Variants in DBP observed in about 807,000 individuals in gnomAD.
DBP encodes D-box binding PAR bZIP transcription factor.
Under a neutral mutation model 21.4 loss-of-function variants are expected in DBP, and 12 were observed. The ratio of observed to expected loss-of-function variants is 0.56; its 90% CI spans 0.36 to 0.91. The LOEUF (loss-of-function observed/expected upper bound fraction) is 0.91, where lower values mean the gene tolerates loss of function less well. Ranked by LOEUF, DBP falls within the 40% of genes least tolerant of loss-of-function variation. DBP has a pLI of 0.01. For missense variants in DBP, 423 were observed against 473.4 expected (o/e 0.89, Z 0.99); for synonymous variants, 213 against 224.9 (o/e 0.95, Z 0.47).
intron 2 of DBP, 21 bp downstream of exon 2, chr19:48,635,559 G>T: frequency 1.4e-6 from 2 of 1,405,524 alleles, no homozygotes; most frequent in African/African-American, 1.5e-5. Flanking sequence ...GTCAGGACCC[G>T]CCCCGCCCCC....
chr19:48,635,743 C>G lies in DBP; in HGVS notation c.387G>C (p.Pro129=). The stretch of plus-strand genomic sequence containing the variant: ...GGCCACCGGGGGGCGGCGGGCTGGG[C>G]GGGAGCCCGTGCTCCAGCAGGAAGG... The part of the protein sequence containing the change: ...LDAFLLEHGL[P]PSPPPPGGPS... Residue 129 remains proline, a synonymous_variant, in exon 2 of 4, where the codon CCG becomes CCC. Coordinates refer to ENST00000222122, the MANE Select transcript of DBP (RefSeq NM_001352.5). The G allele has an allele frequency of 7.3e-7, 1 of 1,373,360 alleles. No homozygotes were observed. The highest frequency in any genetic ancestry group is 1.7e-5 in the South Asian group (1 of 58,338). The allele number at this position is 1,373,360 out of a possible 1,614,324, so 85.1% of individuals were successfully genotyped here.
chr19:48,630,535 G>GC lies in DBP; in HGVS notation c.*301dup, dbSNP rs771849681. 7.4e-5 allele frequency: 113 copies of GC among 1,535,060 alleles called. 2 individuals are homozygous for GC. In the South Asian group the frequency reaches 1.1e-3, roughly 14 times the overall value. ...GCTGCAGCCAGTATGCCAGGGAGCT[G>GC]CCCTCTTCTTCCACAACAGCTGGCT... On this transcript the variant is annotated 3_prime_UTR_variant, in exon 4 of 4. Coordinates refer to ENST00000222122, the MANE Select transcript of DBP (RefSeq NM_001352.5). The surrounding 1 kb of genome is among the most constrained non-coding windows in gnomAD (Gnocchi z 4.9).
intron 3 of DBP, 88 bp downstream of exon 3, chr19:48,633,356 G>T: frequency 1.5e-6 from 2 of 1,362,788 alleles, no homozygotes; most frequent in Non-Finnish European, 2.1e-6. Context: ...CCAAGGAGAA[G>T]CCCAGGCTTG....
Position 48,635,883 on chromosome 19 carries a change from C to A in DBP, c.247G>T (p.Gly83Cys). The A allele has an allele frequency of 1.7e-5, 24 of 1,404,716 alleles. No individual in the cohort carries two copies. Among genetic ancestry groups the A allele is most frequent in the Non-Finnish European group, 2.2e-5 (24 of 1,090,364 alleles). 87.0% of individuals were successfully genotyped at this position (1,404,716 alleles called of 1,614,324 possible). ...GGGCGCCCCCGCGGGGACCCTCCGC[C>A]CACCACTGCCCCAGCCGGGGCATCC... ...PADAPAGAVV[G>C]GGSPRGRPGP... is the part of the protein sequence containing the mutation. Residue 83 changes from glycine to cysteine, a missense_variant, in exon 2 of 4, where the codon GGC (glycine) becomes TGC (cysteine). Physicochemically the swap from Gly to Cys is radical, Grantham distance 159. Transcript: ENST00000222122.
In DBP at chr19:48,635,734, C is replaced by A. The variant is rs1020506906; in HGVS notation, c.396G>T (p.Pro132=). 2.2e-6 allele frequency: 3 copies of A among 1,352,352 alleles called. No homozygotes were observed. The African/African-American group carries it at 4.6e-5, about 21-fold the overall frequency. 83.8% of individuals were successfully genotyped at this position (1,352,352 alleles called of 1,614,324 possible). ...FLLEHGLPPS[P]PPPGGPSPEP... ...CCGGCGACGGGCCACCGGGGGGCGGCGGGCTGGGCGGGAGCCCGTGCTCCA... is the reference window on the plus strand; with the variant it reads ...CCGGCGACGGGCCACCGGGGGGCGGAGGGCTGGGCGGGAGCCCGTGCTCCA... Residue 132 remains proline, a synonymous_variant, in exon 2 of 4, where the codon CCG becomes CCT. Transcript: ENST00000222122.
At chr19:48,634,651 G>A (rs917217190) in intron 2 of DBP, 27 of 979,922 alleles carry the variant, frequency 2.8e-5, no homozygotes, top group Admixed American at 6.2e-5. Context: ...CCCCCCTCGC[G>A]CTTGAAGGCG....
rs1041502164 is a variant in DBP at position 48,630,472 on chromosome 19, C to T, written c.*365G>A. 2 of 1,491,578 alleles carry T rather than the reference C, an allele frequency of 1.3e-6. No homozygotes were observed. The highest frequency in any genetic ancestry group is 2.8e-5 in the African/African-American group (2 of 71,138). 92.4% of individuals were successfully genotyped at this position (1,491,578 alleles called of 1,614,324 possible). A position where few individuals can be genotyped will look rare whatever the true frequency, so the allele number is the denominator to read the frequency against. On this transcript the variant is annotated 3_prime_UTR_variant, in exon 4 of 4. Coordinates refer to ENST00000222122, the MANE Select transcript of DBP (RefSeq NM_001352.5). This position sits in a 1 kb window ranked among gnomAD's most constrained non-coding sequence, Gnocchi z 4.9. ...TCAGACTCCAGCACTTCCAGCAGCG[C>T]CTGCCCTCTATGGACGACAGCCCGG...
chr19:48,631,315 A>T (rs2030577075), intron 3 of DBP: 2 of 511,194 alleles, frequency 3.9e-6, no homozygotes, highest in African/African-American at 3.8e-5. Flanking sequence ...CCCACATGAT[A>T]AAGGCCTGCA....
Position 48,635,913 on chromosome 19 carries a change from G to T in DBP, c.217C>A (p.Pro73Thr). ...ACTGCCCCAGCCGGGGCATCCGCCGGGCCCGCAGTCTCCAGGCCTGGCCCA... is the reference window on the plus strand; with the variant it reads ...ACTGCCCCAGCCGGGGCATCCGCCGTGCCCGCAGTCTCCAGGCCTGGCCCA... Reference protein sequence around the residue: ...TPGPGLETAGPADAPAGAVVG... With the variant: ...TPGPGLETAGTADAPAGAVVG... The change falls in exon 2 of 4, where the codon CCG becomes ACG. Residue 73 changes from proline (P) to threonine (T), a missense_variant. By Grantham distance (38) the Pro-to-Thr change is conservative. This residue lies in a region of DBP where 283 missense variants were observed against 273.7 expected (regional missense o/e 1.03). Transcript: ENST00000222122. 2.1e-6 allele frequency: 3 copies of T among 1,442,140 alleles called. No homozygotes were observed. The South Asian group carries it at 4.2e-5, about 20-fold the overall frequency. 89.3% of individuals were successfully genotyped at this position (1,442,140 alleles called of 1,614,324 possible).
intron 3 of DBP, 43 bp from the exon 4 acceptor site, chr19:48,631,095 C>A: frequency 1.3e-6 from 2 of 1,558,768 alleles, no homozygotes; most frequent in East Asian, 2.3e-5. Flanking sequence ...CAGAGGGACC[C>A]AGGTCCCAGC....
At chr19:48,633,739 C>A in intron 2 of DBP, 84 bp from the exon 3 acceptor site, 2 of 1,167,072 alleles carry the variant, frequency 1.7e-6, no homozygotes, top group Non-Finnish European at 2.5e-6. Flanking sequence ...GTATCATAGC[C>A]ACATGGAAAG....
At chr19:48,635,093 G>T (rs1030107877) in intron 2 of DBP, 1 of 987,256 alleles carries the variant, frequency 1.0e-6, no homozygotes, top group Admixed American at 6.1e-5. Flanking sequence ...CCCACTGGGG[G>T]ACCCAGGGAC....
Position 48,637,168 on chromosome 19 carries a change from G to A in DBP, c.-174C>T. ...AATCCTAGGAGCGACGGGGATTTGAGGTCCTCGGTGCAGAAACGTGCAACT... is the reference window on the plus strand; with the variant it reads ...AATCCTAGGAGCGACGGGGATTTGAAGTCCTCGGTGCAGAAACGTGCAACT... On this transcript the variant is annotated 5_prime_UTR_variant, in exon 1 of 4. Transcript: ENST00000222122. 1 of 565,734 alleles carries A rather than the reference G, an allele frequency of 1.8e-6. No individual in the cohort carries two copies. Among genetic ancestry groups the A allele is most frequent in the Non-Finnish European group, 3.0e-6 (1 of 336,038 alleles). The allele number at this position is 565,734 out of a possible 1,614,324, so 35.0% of individuals were successfully genotyped here.
Position 48,633,628 on chromosome 19 carries a change from G to A in DBP, c.578C>T (p.Pro193Leu). 1 of 1,614,108 alleles carries A rather than the reference G, an allele frequency of 6.2e-7. No homozygotes were observed. Among genetic ancestry groups the A allele is most frequent in the South Asian group, 1.1e-5 (1 of 91,082 alleles). The part of the protein sequence containing the change: ...AGLTSRDTPS[P>L]VDPDTVEVLM... ...CACCTCCACGGTGTCTGGGTCCACA[G>A]GGCTGGGTGTGTCCCGAGAGGTCAG... Residue 193 changes from proline (P) to leucine (L), a missense_variant, in exon 3 of 4, where the codon CCT (proline) becomes CTT (leucine). Transcript: ENST00000222122.
At position 48,630,578 on chromosome 19, in the gene DBP, T is replaced by C; in HGVS notation, c.*259A>G. 1 of 1,534,676 alleles carries C rather than the reference T, an allele frequency of 6.5e-7. No homozygotes were observed. Among genetic ancestry groups the C allele is most frequent in the Non-Finnish European group, 8.7e-7 (1 of 1,146,280 alleles). ...AGCTGGCTCTGGGGTTCTCAAGATT[T>C]ATTCAGGATCGTGTTAACGGAGGCG... is the stretch of plus-strand genomic sequence containing the variant. On this transcript the variant is annotated 3_prime_UTR_variant, in exon 4 of 4. Transcript: ENST00000222122. This position sits in a 1 kb window ranked among gnomAD's most constrained non-coding sequence, Gnocchi z 4.9.
At chr19:48,634,808 C>A in intron 2 of DBP, 1 of 985,596 alleles carries the variant, frequency 1.0e-6, no homozygotes. Context: ...TCCCTGGAGA[C>A]CTCAATGTGC....
rs1193353171 is a variant in DBP, at chr19:48,635,688, G to A, written c.442C>T (p.Pro148Ser). 6 of 1,322,172 alleles carry A rather than the reference G, an allele frequency of 4.5e-6. No homozygotes were observed. Among genetic ancestry groups the A allele is most frequent in the Non-Finnish European group, 5.7e-6 (6 of 1,044,588 alleles). The allele number at this position is 1,322,172 out of a possible 1,614,324, so 81.9% of individuals were successfully genotyped here. A position where few individuals can be genotyped will look rare whatever the true frequency, so the allele number is the denominator to read the frequency against. Residue 148 changes from proline (P) to serine (S), a missense_variant, in exon 2 of 4, where the codon CCC becomes TCC. Pro to Ser is a moderately conservative substitution (Grantham distance 74, BLOSUM62 -1). Around this residue, in one of 4 missense-constraint regions of DBP, gnomAD observed 283 missense variants for 273.7 expected, o/e 1.03. Transcript: ENST00000222122. ...PSPEPSPART[P>S]APSPGPGSCG... ...GAACCCGGCCCTGGGGAGGGTGCGG[G>A]CGTCCGCGCGGGCGACGGCTCCGGC...
At chr19:48,636,026 A>G in intron 1 of DBP, 36 bp from the exon 2 acceptor site, 1 of 1,470,814 alleles carries the variant, frequency 6.8e-7, no homozygotes, top group Non-Finnish European at 8.9e-7. Flanking sequence ...GATGAGGGTG[A>G]GGTGGGGGAG....
intron 2 of DBP, chr19:48,634,937 C>T (rs1601180857): frequency 1.0e-6 from 1 of 985,770 alleles, no homozygotes; most frequent in Non-Finnish European, 1.2e-6. Flanking sequence ...CCAGAACCCC[C>T]GCCACTGGGC....
Sources: gnomAD v4.1 joint callset for allele counts on GRCh38, gnomAD v4.1.1 for gene constraint, gnomAD v4.1.1 regional missense constraint, Gnocchi (gnomAD v3.1) non-coding constraint, MANE v1.5 for transcripts, NCBI Gene and HGNC (gene_info 2026-07-23, HGNC 2026-07-21) for gene names.